ZC3H6: variants seen among roughly 807,000 people sequenced by gnomAD.
ZC3H6 encodes zinc finger CCCH domain-containing protein 6.
Under a neutral mutation model 107.7 loss-of-function variants are expected in ZC3H6, and 40 were observed. The ratio of observed to expected loss-of-function variants is 0.37; its 90% CI spans 0.29 to 0.48. ZC3H6 has a LOEUF of 0.48. Among genes scored for constraint, ZC3H6 ranks in the 20% least tolerant of loss-of-function variants. ZC3H6 has a pLI of 0.98. For missense variants in ZC3H6, 1,267 were observed against 1,410.4 expected (o/e 0.90, Z 1.63); for synonymous variants, 493 against 487.9 (o/e 1.01, Z -0.14).
chr2:112,317,497 C>A (rs937233346), intron 7 of ZC3H6, among the ~76,000 whole-genome samples, 165 bp downstream of exon 7: 1 of 152,068 alleles, frequency 6.6e-6, no homozygotes, highest in Non-Finnish European at 1.5e-5. Context: ...TTCAAAAGAG[C>A]AAACTGACCT....
chr2:112,315,675 A>T lies in ZC3H6; in HGVS notation c.748-795A>T, dbSNP rs372192672. ...GTGGCGTGATCTTGGCTCTCACTGCAGGCTCCACCTCCCAGGTTCAAGCGA... is the reference window on the plus strand; with the variant it reads ...GTGGCGTGATCTTGGCTCTCACTGCTGGCTCCACCTCCCAGGTTCAAGCGA... On this transcript the variant is annotated intron_variant, in intron 5 of 11. Coordinates refer to ENST00000409871, the MANE Select transcript of ZC3H6 (RefSeq NM_198581.3). Among the ~76,000 whole-genome samples, 7 of 151,844 alleles carry T rather than the reference A, an allele frequency of 4.6e-5. No homozygotes were observed. The East Asian group carries it at 1.2e-3, about 25-fold the overall frequency.
At chr2:112,306,018 T>TATTTAATCTATTTAA (rs1282005832) in intron 3 of ZC3H6, among the ~76,000 whole-genome samples, 1 of 152,170 alleles carries the variant, frequency 6.6e-6, no homozygotes, top group African/African-American at 2.4e-5. Context: ...CCTTTAAACC[T>TATTTAATCTATTTAA]ATCTATTAAG....
In ZC3H6 at chr2:112,325,054, C is replaced by T. The variant is rs751216752; in HGVS notation, c.1943C>T (p.Thr648Ile). The T allele has an allele frequency of 1.9e-6, 3 of 1,613,898 alleles. No homozygotes were observed. In the South Asian group the frequency reaches 3.3e-5, roughly 18 times the overall value. Reference sequence around the variant, plus strand: ...GGGAGTGGGTCTGATGGCAGCAGCACTAGGACAGGCCATGGCCCTCTGCCT... The same window carrying T: ...GGGAGTGGGTCTGATGGCAGCAGCATTAGGACAGGCCATGGCCCTCTGCCT... ...NHGSGSDGSS[T>I]RTGHGPLPVP... The change falls in exon 11 of 12, where the codon ACT becomes ATT. Residue 648 changes from threonine to isoleucine, a missense_variant. Thr to Ile is a moderately conservative substitution (Grantham distance 89). Coordinates refer to ENST00000409871, the MANE Select transcript of ZC3H6 (RefSeq NM_198581.3).
chr2:112,317,393 T>C, intron 7 of ZC3H6, 61 bp downstream of exon 7: 5 of 948,502 alleles, frequency 5.3e-6, no homozygotes, highest in Non-Finnish European at 7.7e-6. Flanking sequence ...ATCATTGAGG[T>C]TTTAAAAAAT....
rs1430104884 is a variant in ZC3H6, at chr2:112,332,617, A to G, written c.*129A>G. On this transcript the variant is annotated 3_prime_UTR_variant, in exon 12 of 12. Coordinates refer to ENST00000409871, the MANE Select transcript of ZC3H6 (RefSeq NM_198581.3). ...ACACTTTTCAGCTGCTAGTATCAGA[A>G]CCACATGAAGTTATAGCCTCTAAAG... 1 of 897,530 alleles carries G rather than the reference A, an allele frequency of 1.1e-6. No homozygotes were observed. Among genetic ancestry groups the G allele is most frequent in the African/African-American group, 1.7e-5 (1 of 58,806 alleles). 55.6% of individuals were successfully genotyped at this position (897,530 alleles called of 1,614,324 possible).
intron 9 of ZC3H6, among the ~76,000 whole-genome samples, 169 bp from the exon 10 acceptor site, chr2:112,323,983 C>G (rs1192560324): frequency 2.6e-5 from 4 of 152,240 alleles, no homozygotes; most frequent in Non-Finnish European, 2.9e-5. Context: ...AGCATGAGGT[C>G]TATTTCGTGT....
intron 1 of ZC3H6, among the ~76,000 whole-genome samples, chr2:112,279,399 A>G (rs539367303): frequency 2.6e-5 from 4 of 152,246 alleles, no homozygotes; most frequent in Admixed American, 2.6e-4. Context: ...GAAATATACT[A>G]ATGGTAAAAG....
At chr2:112,291,440 G>T (rs1426047133) in intron 1 of ZC3H6, among the ~76,000 whole-genome samples, 1 of 152,130 alleles carries the variant, frequency 6.6e-6, no homozygotes, top group Admixed American at 6.6e-5. Context: ...CGCCATGTTG[G>T]CCAGGCTGGT....
Position 112,325,140 on chromosome 2 carries a change from CAAG to C in ZC3H6, c.2034_2036del (p.Glu678del). The C allele has an allele frequency of 1.2e-6, 2 of 1,613,964 alleles. No individual in the cohort carries two copies. Among genetic ancestry groups the C allele is most frequent in the Non-Finnish European group, 8.5e-7 (1 of 1,179,882 alleles). On this transcript the variant is annotated inframe_deletion, in exon 11 of 12. Coordinates refer to ENST00000409871, the MANE Select transcript of ZC3H6 (RefSeq NM_198581.3). ...TTTTGTAAGACTTACTCAGAGATAC[CAAG>C]AAGATGAAGAACAAACCAGCACCCA... is the stretch of plus-strand genomic sequence containing the variant.
At position 112,317,169 on chromosome 2, in the gene ZC3H6, T is replaced by G; in HGVS notation, c.865-52T>G. ...AATTCAGCTGTTGTTTCTTTGTTTC[T>G]CATTGTTTCTTACCTTTTTTTCTTT... On this transcript the variant is annotated intron_variant, in intron 6 of 11. Transcript: ENST00000409871. 3 of 1,030,458 alleles carry G rather than the reference T, an allele frequency of 2.9e-6. 1 individual carries two copies. 63.8% of individuals were successfully genotyped at this position (1,030,458 alleles called of 1,614,324 possible).
At chr2:112,321,065 A>G (rs1676792077) in intron 7 of ZC3H6, among the ~76,000 whole-genome samples, 1 of 152,084 alleles carries the variant, frequency 6.6e-6, no homozygotes, top group African/African-American at 2.4e-5. Flanking sequence ...ATCAGTGTTT[A>G]CAATAATAAA....
At chr2:112,299,113 T>C (rs1011378264) in intron 1 of ZC3H6, among the ~76,000 whole-genome samples, 1 of 151,852 alleles carries the variant, frequency 6.6e-6, no homozygotes, top group Non-Finnish European at 1.5e-5. Context: ...CCGTCTCTAC[T>C]AAAAATACAA....
Position 112,326,860 on chromosome 2 carries a change from G to A in ZC3H6, c.2086+1663G>A, listed in dbSNP as rs556783144. Among the ~76,000 whole-genome samples the A allele has an allele frequency of 9.9e-5, 15 of 152,216 alleles. No homozygotes were observed. In the South Asian group the frequency reaches 1.2e-3, roughly 13 times the overall value. On this transcript the variant is annotated intron_variant, in intron 11 of 11. Coordinates refer to ENST00000409871, the MANE Select transcript of ZC3H6 (RefSeq NM_198581.3). The stretch of plus-strand genomic sequence containing the variant: ...ACTCCTGACCTCAGGTGATCTGCCC[G>A]CCTCGGCCTCCCAAAGTGCTGGGAT...
intron 1 of ZC3H6, among the ~76,000 whole-genome samples, chr2:112,293,551 G>A (rs1045520646): frequency 5.9e-5 from 9 of 152,220 alleles, no homozygotes; most frequent in Non-Finnish European, 1.0e-4. Flanking sequence ...TGTAAATGCC[G>A]AAGGCCAAGT....
Position 112,331,921 on chromosome 2 carries a change from A to G in ZC3H6, c.3003A>G (p.Ser1001=). Residue 1001 remains serine, a synonymous_variant, in exon 12 of 12, where the codon TCA becomes TCG. Coordinates refer to ENST00000409871, the MANE Select transcript of ZC3H6 (RefSeq NM_198581.3). The part of the protein sequence containing the change: ...ASKGAPHLPR[S]NPGSSQPSGA... Reference sequence around the variant, plus strand: ...AGGGTGCCCCTCACTTACCCAGATCAAACCCTGGTTCATCACAGCCCTCAG... The same window carrying G: ...AGGGTGCCCCTCACTTACCCAGATCGAACCCTGGTTCATCACAGCCCTCAG... 1 of 1,614,000 alleles carries G rather than the reference A, an allele frequency of 6.2e-7. No individual in the cohort carries two copies. Among genetic ancestry groups the G allele is most frequent in the Non-Finnish European group, 8.5e-7 (1 of 1,179,884 alleles).
rs373126060 is a variant in ZC3H6 at position 112,297,346 on chromosome 2, A to T, written c.33-2503A>T. Among the ~76,000 whole-genome samples the T allele has an allele frequency of 3.0e-4, 46 of 152,318 alleles. No homozygotes were observed. The East Asian group carries it at 8.7e-3, about 29-fold the overall frequency. On this transcript the variant is annotated intron_variant, in intron 1 of 11. Coordinates refer to ENST00000409871, the MANE Select transcript of ZC3H6 (RefSeq NM_198581.3). ...CAGTTTTGTATTTAAGAAATTACAC[A>T]TACCTGGTAATTCTAAATTACCTTT...
chr2:112,321,791 A>G lies in ZC3H6; in HGVS notation c.1012A>G (p.Lys338Glu). The change falls in exon 8 of 12, where the codon AAA becomes GAA. Residue 338 changes from lysine (K) to glutamate (E), a missense_variant. By Grantham distance (56) the Lys-to-Glu change is moderately conservative. Around this residue, in one of 3 missense-constraint regions of ZC3H6, gnomAD observed 925 missense variants for 1,025.7 expected, o/e 0.90. Transcript: ENST00000409871. ...FPCKFYHSGA[K>E]CYQGDNCKFS... The stretch of plus-strand genomic sequence containing the variant: ...ATGCAAGTTCTATCATAGTGGAGCA[A>G]AATGTTACCAGGGAGACAACTGTAA... 6.5e-7 allele frequency: 1 copy of G among 1,549,192 alleles called. No individual in the cohort carries two copies. The highest frequency in any genetic ancestry group is 1.4e-5 in the African/African-American group (1 of 73,004).
chr2:112,318,045 A>G (rs1306470806), intron 7 of ZC3H6, among the ~76,000 whole-genome samples: 1 of 152,146 alleles, frequency 6.6e-6, no homozygotes, highest in African/African-American at 2.4e-5. Flanking sequence ...CTTTGCTGTG[A>G]TTATTTCTGC....
At chr2:112,303,463 A>G (rs1006371360) in intron 3 of ZC3H6, 112 bp downstream of exon 3, 2 of 717,542 alleles carry the variant, frequency 2.8e-6, no homozygotes, top group Non-Finnish European at 4.4e-6. Flanking sequence ...GTGTTGTTCA[A>G]TCATCACCAC....
Sources: gnomAD v4.1 joint callset for allele counts (sites outside exome capture counted in the v4.1 genomes callset) on GRCh38, gnomAD v4.1.1 for gene constraint, gnomAD v4.1.1 regional missense constraint, MANE v1.5 for transcripts, NCBI Gene and HGNC (gene_info 2026-07-23, HGNC 2026-07-21) for gene names.